Variants in STOX2 observed in about 807,000 individuals in gnomAD.
STOX2 encodes storkhead box 2.
Under a neutral mutation model 60.9 loss-of-function variants are expected in STOX2, and 28 were observed. That is an observed-to-expected ratio of 0.46 (90% CI 0.34 to 0.63). The LOEUF (loss-of-function observed/expected upper bound fraction) is 0.63, where lower values mean the gene tolerates loss of function less well. Ranked by LOEUF, STOX2 falls within the 30% of genes least tolerant of loss-of-function variation. The pLI, the probability that STOX2 is intolerant of heterozygous loss-of-function variation, is 0.01. For synonymous variants in STOX2, 472 were observed against 463.9 expected, an observed-to-expected ratio of 1.02 and a Z score of -0.22; for missense variants, 1,024 against 1,187.7, an observed-to-expected ratio of 0.86 and a Z score of 2.03.
intron 1 of STOX2, among the ~76,000 whole-genome samples, chr4:183,954,067 AT>A: frequency 6.6e-6 from 1 of 152,310 alleles, no homozygotes; most frequent in South Asian, 2.1e-4. Flanking sequence ...TTCCGTCGTC[AT>A]TCGGGTAAAT....
At chr4:183,916,553 C>A (rs771382327) in intron 1 of STOX2, among the ~76,000 whole-genome samples, 1 of 152,100 alleles carries the variant, frequency 6.6e-6, no homozygotes. Context: ...AAGCTTGGTA[C>A]AATGGAAGCA....
intron 1 of STOX2, among the ~76,000 whole-genome samples, chr4:183,850,509 A>G (rs1740092630): frequency 6.6e-6 from 1 of 151,876 alleles, no homozygotes; most frequent in Admixed American, 6.6e-5. Context: ...CAGGTGGATC[A>G]CTTGAGGTCA....
At position 183,798,484 on chromosome 4, in the gene STOX2, C is replaced by T. The variant is rs1223701697; in HGVS notation, c.364+429C>T. Among the ~76,000 whole-genome samples the T allele has an allele frequency of 7.9e-5, 12 of 151,936 alleles. No individual in the cohort carries two copies. The South Asian group carries it at 2.1e-3, about 26-fold the overall frequency. ...TCCGGGGCTCGGGTCGCGCGGGGCT[C>T]CCAGCTGGAGCGGCGGCTCAGGTGC... On this transcript the variant is annotated intron_variant, in intron 1 of 2. Transcript: ENST00000513034.
At chr4:183,964,556 A>G (rs1743505167) in intron 1 of STOX2, among the ~76,000 whole-genome samples, 1 of 152,222 alleles carries the variant, frequency 6.6e-6, no homozygotes, top group Admixed American at 6.5e-5. Context: ...AGAGCTAAGT[A>G]TAAAACAGGT....
chr4:183,954,281 T>TTTTTGTTTTTG (rs1743181267), intron 1 of STOX2, among the ~76,000 whole-genome samples: 5 of 150,828 alleles, frequency 3.3e-5, no homozygotes, highest in Admixed American at 2.0e-4. Flanking sequence ...GGTTTTTTTG[T>TTTTTGTTTTTG]TTTTTGTTTT....
intron 1 of STOX2, among the ~76,000 whole-genome samples, chr4:183,922,237 G>C (rs11735811): frequency 6.6e-6 from 1 of 151,792 alleles, no homozygotes; most frequent in African/African-American, 2.4e-5. Context: ...TGTTCCTCAG[G>C]TGCAAATATT....
intron 1 of STOX2, among the ~76,000 whole-genome samples, chr4:183,837,554 G>A (rs1739745499): frequency 6.6e-6 from 1 of 151,932 alleles, no homozygotes; most frequent in Admixed American, 6.6e-5. Context: ...TGCCTCTCGG[G>A]TTCAAGTAAT....
intron 1 of STOX2, among the ~76,000 whole-genome samples, chr4:183,980,968 A>C (rs1732640944): frequency 6.6e-6 from 1 of 152,204 alleles, no homozygotes; most frequent in African/African-American, 2.4e-5. Context: ...CCTTATAACT[A>C]ATTCCAGCTA....
Position 184,017,441 on chromosome 4 carries a change from A to T in STOX2, c.*157A>T. 1.5e-6 allele frequency: 1 copy of T among 648,928 alleles called. No individual in the cohort carries two copies. The highest frequency in any genetic ancestry group is 2.5e-6 in the Non-Finnish European group (1 of 393,100). 40.2% of individuals were successfully genotyped at this position (648,928 alleles called of 1,614,324 possible). The stretch of plus-strand genomic sequence containing the variant: ...AGTAGGGCTAGGGCAAAAAAACAAA[A>T]AATCTTTATTTCAGAGTATTGCTTT... On this transcript the variant is annotated 3_prime_UTR_variant, in exon 4 of 4. Transcript: ENST00000308497.
intron 2 of STOX2, among the ~76,000 whole-genome samples, chr4:184,003,948 A>T (rs1237875093): frequency 1.4e-5 from 2 of 147,592 alleles, no homozygotes; most frequent in African/African-American, 2.5e-5. Context: ...CCTTCCTTTG[A>T]TTTTTTTTTT....
intron 1 of STOX2, among the ~76,000 whole-genome samples, chr4:183,800,236 A>G (rs1738729292): frequency 1.3e-5 from 2 of 152,006 alleles, no homozygotes; most frequent in African/African-American, 4.8e-5. Context: ...TTGCAATTCC[A>G]GTCTGGAAGC....
At chr4:183,818,979 A>G (rs1454363617) in intron 1 of STOX2, among the ~76,000 whole-genome samples, 1 of 151,400 alleles carries the variant, frequency 6.6e-6, no homozygotes, top group Non-Finnish European at 1.5e-5. Flanking sequence ...CTCACATCTC[A>G]GACGATGGGT....
chr4:183,856,251 G>A lies in STOX2; in HGVS notation c.364+58196G>A, dbSNP rs898261839. Among the ~76,000 whole-genome samples, 2 of 151,362 alleles carry A rather than the reference G, an allele frequency of 1.3e-5. No individual in the cohort carries two copies. Among genetic ancestry groups the A allele is most frequent in the African/African-American group, 2.4e-5 (1 of 41,276 alleles). On this transcript the variant is annotated intron_variant, in intron 1 of 2. Transcript: ENST00000513034. This position sits in a 1 kb window ranked among gnomAD's most constrained non-coding sequence, Gnocchi z 4.0. ...GCTCACGGCCCCTTTCACACATGTC[G>A]ACATTACTCCCCCAAGACGAGCCTA...
chr4:183,941,954 G>C (rs1200200075), intron 1 of STOX2, among the ~76,000 whole-genome samples: 1 of 152,146 alleles, frequency 6.6e-6, no homozygotes, highest in Non-Finnish European at 1.5e-5. Flanking sequence ...CTATTAGAGG[G>C]CACATGTGTT....
intron 1 of STOX2, among the ~76,000 whole-genome samples, chr4:183,994,884 C>T (rs1246910480): frequency 6.6e-6 from 1 of 152,020 alleles, no homozygotes; most frequent in Non-Finnish European, 1.5e-5. Context: ...CAATGAAAAA[C>T]AGTACCTTAA....
In STOX2 at chr4:183,806,814, C is replaced by G. The variant is rs556540764; in HGVS notation, c.364+8759C>G. On this transcript the variant is annotated intron_variant, in intron 1 of 2. Coordinates refer to the STOX2 transcript ENST00000513034. The surrounding 1 kb of genome is among the most constrained non-coding windows in gnomAD (Gnocchi z 4.1). ...TTGAGGAAACAAACATTTATGTGTT[C>G]GTGTTCAGGACGGTAGGGCCCAGGA... Among the ~76,000 whole-genome samples, 2 of 152,198 alleles carry G rather than the reference C, an allele frequency of 1.3e-5. 1 individual carries two copies. The highest frequency in any genetic ancestry group is 2.9e-5 in the Non-Finnish European group (2 of 68,020).
intron 2 of STOX2, among the ~76,000 whole-genome samples, chr4:184,008,023 A>G (rs1455468527): frequency 6.6e-6 from 1 of 152,228 alleles, no homozygotes; most frequent in African/African-American, 2.4e-5. Flanking sequence ...GTTTCAATCC[A>G]GCAGCCCGGC....
At chr4:183,887,687 A>C (rs888592009) in intron 1 of STOX2, among the ~76,000 whole-genome samples, 2 of 152,234 alleles carry the variant, frequency 1.3e-5, no homozygotes, top group African/African-American at 4.8e-5. Context: ...TATACCTCTA[A>C]TAAGTGCAAG....
At chr4:183,958,935 G>A (rs1743336048) in intron 1 of STOX2, among the ~76,000 whole-genome samples, 1 of 152,146 alleles carries the variant, frequency 6.6e-6, no homozygotes, top group Non-Finnish European at 1.5e-5. Context: ...AATAGGCCAG[G>A]CTCTCTGTGG....
Sources: allele counts gnomAD v4.1 joint callset (sites outside exome capture counted in the v4.1 genomes callset), GRCh38; gene constraint gnomAD v4.1.1; non-coding constraint Gnocchi (gnomAD v3.1); transcripts MANE v1.5; gene names NCBI Gene and HGNC (gene_info 2026-07-23, HGNC 2026-07-21).